The following SH3BGR variants were observed in gnomAD, a reference collection of about 807,000 sequenced individuals.
SH3BGR encodes SH3 domain-binding glutamic acid-rich protein.
Under a neutral mutation model 24.5 loss-of-function variants are expected in SH3BGR, and 29 were observed. The observed-to-expected ratio is 1.18, with a 90% CI of 0.88 to 1.61. The LOEUF (loss-of-function observed/expected upper bound fraction) is 1.61, where lower values mean the gene tolerates loss of function less well. Among genes scored for constraint, SH3BGR ranks in the 40% most tolerant of loss-of-function variants. The pLI, the probability that SH3BGR is intolerant of heterozygous loss-of-function variation, is 0.00. For missense variants in SH3BGR, 162 were observed against 205.8 expected, an observed-to-expected ratio of 0.79 and a Z score of 1.30; for synonymous variants, 55 against 65.7, an observed-to-expected ratio of 0.84 and a Z score of 0.79.
intron 4 of SH3BGR, 76 bp downstream of exon 4, chr21:39,499,991 G>A: frequency 9.5e-7 from 1 of 1,057,618 alleles, no homozygotes; most frequent in East Asian, 2.4e-5. Flanking sequence ...TGTACAACTT[G>A]ACTCTGGGCA....
intron 6 of SH3BGR, among the ~76,000 whole-genome samples, chr21:39,514,195 T>C (rs1450144029): frequency 6.6e-6 from 1 of 152,166 alleles, no homozygotes; most frequent in East Asian, 1.9e-4. Context: ...TCAGGTATTC[T>C]GCAAACTATT....
chr21:39,503,383 AGAT>A (rs2123518949), intron 4 of SH3BGR, among the ~76,000 whole-genome samples: 1 of 152,352 alleles, frequency 6.6e-6, no homozygotes, highest in East Asian at 1.9e-4. Flanking sequence ...TCTGTTAACT[AGAT>A]GACAAACCAT....
intron 2 of SH3BGR, among the ~76,000 whole-genome samples, chr21:39,462,882 A>T (rs1162696475): frequency 6.6e-6 from 1 of 152,238 alleles, no homozygotes; most frequent in South Asian, 2.1e-4. Context: ...CAGTGTGCAC[A>T]CACGTGTATC....
chr21:39,467,725 G>A (rs1195548764), intron 2 of SH3BGR, among the ~76,000 whole-genome samples: 2 of 152,168 alleles, frequency 1.3e-5, no homozygotes, highest in African/African-American at 4.8e-5. Flanking sequence ...CATATGCCAT[G>A]CCTGATGATG....
intron 3 of SH3BGR, among the ~76,000 whole-genome samples, chr21:39,494,370 T>G (rs772094717): frequency 3.3e-4 from 50 of 152,192 alleles, no homozygotes; most frequent in South Asian, 8.3e-4. Flanking sequence ...AAGAACTTCC[T>G]TTAGTCCTTT....
intron 2 of SH3BGR, among the ~76,000 whole-genome samples, chr21:39,464,092 A>G (rs1227852105): frequency 1.3e-5 from 2 of 152,088 alleles, no homozygotes; most frequent in Admixed American, 6.5e-5. Context: ...TCATCCTCAC[A>G]TGGAGTGTGT....
At chr21:39,488,087 A>T (rs2078239510) in intron 3 of SH3BGR, among the ~76,000 whole-genome samples, 1 of 152,204 alleles carries the variant, frequency 6.6e-6, no homozygotes, top group African/African-American at 2.4e-5. Context: ...CTGTGTAATG[A>T]ATCCTCATTC....
chr21:39,467,942 G>A (rs181666708), intron 2 of SH3BGR, among the ~76,000 whole-genome samples: 86 of 152,340 alleles, frequency 5.6e-4, no homozygotes, highest in Non-Finnish European at 1.1e-3. Context: ...TGGAAGCCAG[G>A]CACAGTTGAG....
intron 3 of SH3BGR, among the ~76,000 whole-genome samples, chr21:39,476,357 G>C (rs531161767): frequency 2.6e-5 from 4 of 152,322 alleles, no homozygotes; most frequent in African/African-American, 9.6e-5. Flanking sequence ...GAGGTCATTA[G>C]AGGCCATGAC....
intron 3 of SH3BGR, among the ~76,000 whole-genome samples, chr21:39,483,353 C>T (rs1339491822): frequency 1.3e-5 from 2 of 152,164 alleles, no homozygotes; most frequent in African/African-American, 4.8e-5. Flanking sequence ...ATTTTTCTTT[C>T]TCTGAGATAA....
rs371201084 is a variant in SH3BGR at position 39,509,037 on chromosome 21, A to C, written c.435+10A>C. 1.9e-6 allele frequency: 3 copies of C among 1,605,084 alleles called. No individual in the cohort carries two copies. The African/African-American group carries it at 4.0e-5, about 21-fold the overall frequency. On this transcript the variant is annotated intron_variant, in intron 5 of 6. Transcript: ENST00000333634. ...GACAGCCACAGAAGAGGTACGGTCG[A>C]CCATCTTTAACAGCTGTGCTTAATC...
intron 1 of SH3BGR, among the ~76,000 whole-genome samples, chr21:39,456,610 C>T (rs1569149014): frequency 6.8e-6 from 1 of 147,168 alleles, no homozygotes; most frequent in South Asian, 2.2e-4. Context: ...AGATTCCATG[C>T]GGGGTAGCAG....
intron 6 of SH3BGR, among the ~76,000 whole-genome samples, chr21:39,512,756 C>T (rs752815558): frequency 6.6e-6 from 1 of 152,104 alleles, no homozygotes; most frequent in African/African-American, 2.4e-5. Flanking sequence ...TGCACCACTG[C>T]ACTCCAGCCT....
rs1267036124 is a variant in SH3BGR, at chr21:39,515,190, A to T, written c.*137A>T. The stretch of plus-strand genomic sequence containing the variant: ...GCACACCCAGGGTTACTGAGGACTT[A>T]TGCTGCCTGACCTGGTTAGATGTAC... On this transcript the variant is annotated 3_prime_UTR_variant, in exon 7 of 7. Transcript: ENST00000333634. 2 of 466,536 alleles carry T rather than the reference A, an allele frequency of 4.3e-6. No individual in the cohort carries two copies. Among genetic ancestry groups the T allele is most frequent in the African/African-American group, 4.0e-5 (2 of 49,978 alleles). 28.9% of individuals were successfully genotyped at this position (466,536 alleles called of 1,614,324 possible).
rs550459451 is a variant in SH3BGR, at chr21:39,446,651, CT to C, written c.-100+575del. Among the ~76,000 whole-genome samples the C allele has an allele frequency of 1.2e-4, 19 of 152,284 alleles. No homozygotes were observed. In the East Asian group the frequency reaches 3.3e-3, roughly 26 times the overall value. Reference sequence around the variant, plus strand: ...CTTCCTTTTTAGTAGGAAGAATAGACTTTTTCCCATATCTTGAGTGCCATTT... The same window carrying C: ...CTTCCTTTTTAGTAGGAAGAATAGACTTTTCCCATATCTTGAGTGCCATTT... On this transcript the variant is annotated intron_variant, in intron 1 of 6. Transcript: ENST00000380631.
chr21:39,474,538 G>C (rs756989182), intron 2 of SH3BGR, among the ~76,000 whole-genome samples: 6 of 152,224 alleles, frequency 3.9e-5, no homozygotes, highest in Non-Finnish European at 7.3e-5. Flanking sequence ...CCTGCCTGGT[G>C]AAGGACTGGC....
intron 3 of SH3BGR, among the ~76,000 whole-genome samples, chr21:39,481,164 G>A (rs564634979): frequency 1.5e-3 from 234 of 152,170 alleles, no homozygotes; most frequent in Middle Eastern, 0.01. Context: ...AGTAGCAGTC[G>A]CAACAAGAAC....
intron 5 of SH3BGR, among the ~76,000 whole-genome samples, chr21:39,510,882 G>A (rs990660357): frequency 8.6e-6 from 1 of 116,466 alleles, no homozygotes; most frequent in Non-Finnish European, 1.7e-5. Flanking sequence ...TCAATTTGCT[G>A]ATTCTTTTTG....
At chr21:39,489,193 C>T (rs1188856383) in intron 3 of SH3BGR, among the ~76,000 whole-genome samples, 1 of 152,226 alleles carries the variant, frequency 6.6e-6, no homozygotes, top group Non-Finnish European at 1.5e-5. Flanking sequence ...TGGAAGAGGG[C>T]TAATCATTCG....
Sources: allele counts gnomAD v4.1 joint callset (sites outside exome capture counted in the v4.1 genomes callset), GRCh38; gene constraint gnomAD v4.1.1; transcripts MANE v1.5; gene names NCBI Gene and HGNC (gene_info 2026-07-23, HGNC 2026-07-21).